Variants in TRPM7 observed in about 807,000 individuals in gnomAD.
TRPM7 encodes the protein LTRPC ion channel family member 7.
Under a neutral mutation model 229.7 loss-of-function variants are expected in TRPM7, and 134 were observed. That is an observed-to-expected ratio of 0.58 (90% CI 0.51 to 0.67). The LOEUF is 0.67. Ranked by LOEUF, TRPM7 falls within the 30% of genes least tolerant of loss-of-function variation. TRPM7 has a pLI of 0.00. For synonymous variants in TRPM7, 699 were observed against 715.2 expected, an observed-to-expected ratio of 0.98 and a Z score of 0.36; for missense variants, 1,901 against 2,210.0, an observed-to-expected ratio of 0.86 and a Z score of 2.80.
chr15:50,634,044 C>T (rs896016253), intron 8 of TRPM7, among the ~76,000 whole-genome samples: 2 of 152,168 alleles, frequency 1.3e-5, no homozygotes, highest in East Asian at 3.9e-4. Context: ...ATGGGCCAGG[C>T]ATGGTGGCTC....
chr15:50,655,752 C>T (rs960650151), intron 3 of TRPM7, among the ~76,000 whole-genome samples: 7 of 152,170 alleles, frequency 4.6e-5, no homozygotes, highest in African/African-American at 1.4e-4. Context: ...AATTCCAGCA[C>T]TTTGGGAGGC....
intron 1 of TRPM7, among the ~76,000 whole-genome samples, chr15:50,668,510 GTT>G (rs969727393): frequency 6.6e-6 from 1 of 151,896 alleles, no homozygotes; most frequent in African/African-American, 2.4e-5. Context: ...ATTTGTTTTT[GTT>G]TTTTGTTTTT....
chr15:50,582,464 T>C lies in TRPM7; in HGVS notation c.4557+625A>G, dbSNP rs181373816. ...TATGTAAGTTGACTCCCATGAGTTC[T>C]AAATTGCCATTGTGAGGTCATCTTC... On this transcript the variant is annotated intron_variant, in intron 29 of 38. Coordinates refer to ENST00000646667, the MANE Select transcript of TRPM7 (RefSeq NM_017672.6). 3 of 152,324 alleles carry C rather than the reference T, an allele frequency of 2.0e-5. No homozygotes were observed. The East Asian group carries it at 5.8e-4, about 30-fold the overall frequency. The allele number at this position is 152,324 out of a possible 1,614,324, so 9.4% of individuals were successfully genotyped here.
chr15:50,600,595 A>T (rs2059754364), intron 21 of TRPM7, among the ~76,000 whole-genome samples: 1 of 152,240 alleles, frequency 6.6e-6, no homozygotes. Context: ...ACCTACTGTA[A>T]ACTTAAAATA....
At position 50,594,467 on chromosome 15, in the gene TRPM7, C is replaced by T; in HGVS notation, c.3437G>A (p.Cys1146Tyr). Residue 1146 changes from cysteine (C) to tyrosine (Y), a missense_variant, in exon 24 of 39, where the codon TGT becomes TAT. By Grantham distance (194) the Cys-to-Tyr change is radical. Coordinates refer to ENST00000646667, the MANE Select transcript of TRPM7 (RefSeq NM_017672.6). The stretch of plus-strand genomic sequence containing the variant: ...AGTCTTATCTTTCTTTCTTCTCTTA[C>T]ATATGCAGCAAAACAGAGAAACTAT... ...SHIVSLFCCI[C>Y]KRRKKDKTSD... 6.2e-7 allele frequency: 1 copy of T among 1,612,566 alleles called. No individual in the cohort carries two copies. Among genetic ancestry groups the T allele is most frequent in the Non-Finnish European group, 8.5e-7 (1 of 1,179,540 alleles).
chr15:50,613,426 T>C (rs892324628), intron 15 of TRPM7, among the ~76,000 whole-genome samples: 6 of 135,648 alleles, frequency 4.4e-5, no homozygotes, highest in African/African-American at 1.7e-4. Flanking sequence ...CACTCGAACC[T>C]GGGAGGTGGA....
rs370350578 is a variant in TRPM7, at chr15:50,663,133, CTTTT to C, written c.4-91_4-88del. 7.5e-6 allele frequency: 6 copies of C among 804,960 alleles called. No homozygotes were observed. In the South Asian group the frequency reaches 9.2e-5, roughly 12 times the overall value. 49.9% of individuals were successfully genotyped at this position (804,960 alleles called of 1,614,324 possible). The stretch of plus-strand genomic sequence containing the variant: ...TTTCATGATAAACACATAAACAGTT[CTTTT>C]TTTTTTTTGAGACAGAGTTTTGCTC... On this transcript the variant is annotated intron_variant, in intron 1 of 38. Transcript: ENST00000646667.
intron 1 of TRPM7, among the ~76,000 whole-genome samples, chr15:50,676,755 CCA>C (rs1323323788): frequency 6.6e-6 from 1 of 151,998 alleles, no homozygotes; most frequent in African/African-American, 2.4e-5. Flanking sequence ...AATAGAAATC[CCA>C]CAGTCTTACT....
chr15:50,624,888 G>T (rs984497515), intron 11 of TRPM7, among the ~76,000 whole-genome samples: 4 of 152,166 alleles, frequency 2.6e-5, no homozygotes, highest in Non-Finnish European at 4.4e-5. Context: ...ACAACCATCA[G>T]ATAAGTCAGG....
At chr15:50,670,565 G>A (rs750530973) in intron 1 of TRPM7, among the ~76,000 whole-genome samples, 16 of 152,002 alleles carry the variant, frequency 1.1e-4, no homozygotes, top group Non-Finnish European at 2.2e-4. Context: ...AGATGCCATG[G>A]CAACATTCAG....
At position 50,634,506 on chromosome 15, in the gene TRPM7, T is replaced by C. The variant is rs1490993852; in HGVS notation, c.883A>G (p.Asn295Asp). ...VVALIFEGGPNVILTVLEYLQ... is the reference protein window; with the variant it reads ...VVALIFEGGPDVILTVLEYLQ... ...TATTCAAGAACTGTGAGGATAACAT[T>C]TGGCCCACCCTCAAATATAAGTGCC... The change falls in exon 8 of 39, where the codon AAT (asparagine) becomes GAT (aspartate). Residue 295 changes from asparagine (N) to aspartate (D), a missense_variant. Asn to Asp is a conservative substitution (Grantham distance 23, BLOSUM62 1). This residue lies in a region of TRPM7 where 794 missense variants were observed against 881.9 expected (regional missense o/e 0.90). Transcript: ENST00000646667. 1 of 1,571,764 alleles carries C rather than the reference T, an allele frequency of 6.4e-7. No individual in the cohort carries two copies.
rs571987643 is a variant in TRPM7, at chr15:50,593,845, A to G, written c.3476-96T>C. ...CGAATTATTCAGGGTTTCTAAGACT[A>G]CATCCATCATCTGCACTTTTTAAAC... is the stretch of plus-strand genomic sequence containing the variant. On this transcript the variant is annotated intron_variant, in intron 24 of 38. Transcript: ENST00000646667. The G allele has an allele frequency of 3.3e-6, 4 of 1,227,926 alleles. No homozygotes were observed. In the African/African-American group the frequency reaches 4.5e-5, roughly 14 times the overall value. The allele number at this position is 1,227,926 out of a possible 1,614,324, so 76.1% of individuals were successfully genotyped here. A position where few individuals can be genotyped will look rare whatever the true frequency, so the allele number is the denominator to read the frequency against.
chr15:50,602,139 T>C (rs186296534), intron 21 of TRPM7, among the ~76,000 whole-genome samples: 1 of 152,170 alleles, frequency 6.6e-6, no homozygotes. Context: ...AACCCAAATG[T>C]CCGTCAATGA....
intron 13 of TRPM7, among the ~76,000 whole-genome samples, chr15:50,618,705 T>A (rs940466154): frequency 1.3e-5 from 2 of 152,202 alleles, no homozygotes; most frequent in Admixed American, 1.3e-4. Flanking sequence ...ACTAGGCTTT[T>A]AGTGTACCTA....
In TRPM7 at chr15:50,604,925, G is replaced by A. The variant is rs1295812586; in HGVS notation, c.2929C>T (p.Leu977=). The stretch of plus-strand genomic sequence containing the variant: ...TGTTGATTTACAGCTAGAAAATCTA[G>A]CAAACGCACATACCAAAATATTATG... ...LNIIFWYVRL[L]DFLAVNQQAG... The change falls in exon 21 of 39, where the codon CTA becomes TTA. Residue 977 remains leucine (L), a synonymous_variant. Transcript: ENST00000646667. The A allele has an allele frequency of 6.2e-7, 1 of 1,612,716 alleles. No individual in the cohort carries two copies. The highest frequency in any genetic ancestry group is 2.2e-5 in the East Asian group (1 of 44,788).
chr15:50,644,228 G>A (rs1026230928), intron 4 of TRPM7, among the ~76,000 whole-genome samples: 6 of 151,646 alleles, frequency 4.0e-5, no homozygotes, highest in African/African-American at 1.5e-4. Context: ...TAGAAAAATA[G>A]AAAAAAAAGC....
chr15:50,661,648 T>C (rs1446497406), intron 2 of TRPM7, among the ~76,000 whole-genome samples: 2 of 152,164 alleles, frequency 1.3e-5, no homozygotes, highest in African/African-American at 4.8e-5. Flanking sequence ...TATTCTATAA[T>C]ATAAAGAGAT....
chr15:50,668,783 C>T (rs532860418), intron 1 of TRPM7, among the ~76,000 whole-genome samples: 1 of 152,320 alleles, frequency 6.6e-6, no homozygotes, highest in South Asian at 2.1e-4. Context: ...GCTGGGATTA[C>T]AGGCATGAGC....
chr15:50,594,388 G>C (rs781135955), intron 24 of TRPM7, 41 bp downstream of exon 24: 12 of 1,473,250 alleles, frequency 8.1e-6, no homozygotes, highest in Non-Finnish European at 1.1e-5. Flanking sequence ...AAAATGAGAA[G>C]TGATAAAATG....
Sources: allele counts gnomAD v4.1 joint callset (sites outside exome capture counted in the v4.1 genomes callset), GRCh38; gene constraint gnomAD v4.1.1; regional missense constraint gnomAD v4.1.1; transcripts MANE v1.5; gene names NCBI Gene and HGNC (gene_info 2026-07-23, HGNC 2026-07-21).